The following NTM variants were observed in gnomAD, a reference collection of about 807,000 sequenced individuals.
The protein encoded by NTM is neurotrimin, also known as IgLON family member 2.
A neutral mutation model predicts 42.1 loss-of-function variants in NTM; 13 were observed. The ratio of observed to expected loss-of-function variants is 0.31; its 90% CI spans 0.20 to 0.49. The LOEUF (loss-of-function observed/expected upper bound fraction) is 0.49, where lower values mean the gene tolerates loss of function less well. Ranked by LOEUF, NTM falls within the 20% of genes least tolerant of loss-of-function variation. NTM has a pLI of 0.99. For missense variants in NTM, 373 were observed against 452.8 expected, an observed-to-expected ratio of 0.82 and a Z score of 1.60; for synonymous variants, 187 against 179.2, an observed-to-expected ratio of 1.04 and a Z score of -0.35.
At chr11:131,581,038 C>T (rs532982705) in intron 1 of NTM, among the ~76,000 whole-genome samples, 48 of 152,276 alleles carry the variant, frequency 3.2e-4, no homozygotes, top group African/African-American at 1.2e-3. Context: ...TGGGTTATTG[C>T]TAAAAGGGTG....
chr11:132,333,253 G>C (rs1326338510), intron 8 of NTM, among the ~76,000 whole-genome samples: 1 of 152,172 alleles, frequency 6.6e-6, no homozygotes, highest in Non-Finnish European at 1.5e-5. Flanking sequence ...TGTCGTCTCA[G>C]AGTCCTCAGC....
At chr11:131,616,590 G>A (rs1009955907) in intron 1 of NTM, among the ~76,000 whole-genome samples, 3 of 152,132 alleles carry the variant, frequency 2.0e-5, no homozygotes, top group Admixed American at 6.5e-5. Flanking sequence ...TGGAGGCTGC[G>A]GCGGCACCAG....
chr11:131,862,017 G>A (rs1051280006), intron 1 of NTM, among the ~76,000 whole-genome samples: 12 of 152,154 alleles, frequency 7.9e-5, no homozygotes, highest in Non-Finnish European at 5.9e-5. Context: ...CTCTTAGTGC[G>A]GTCTCAAGGA....
At chr11:131,789,536 GAAGAAGAAGAAAAGAAGAAGA>G (rs2090221056) in intron 1 of NTM, among the ~76,000 whole-genome samples, 1 of 23,456 alleles carries the variant, frequency 4.3e-5, no homozygotes, top group African/African-American at 2.5e-4. Flanking sequence ...AGAAGAAGAA[GAAGAAGAAGAAAAGAAGAAGA>G]AGAAGAAGAA....
intron 4 of NTM, among the ~76,000 whole-genome samples, chr11:132,215,790 A>C (rs942344619): frequency 6.6e-6 from 1 of 152,230 alleles, no homozygotes; most frequent in Admixed American, 6.5e-5. Flanking sequence ...ACTCTGCACA[A>C]CTGGTTTGAG....
chr11:131,511,026 G>A lies in NTM; in HGVS notation c.82+140138G>A, dbSNP rs183096455. Among the ~76,000 whole-genome samples the A allele has an allele frequency of 1.8e-3, 281 of 151,942 alleles. 1 individual carries two copies. The highest frequency in any genetic ancestry group is 6.3e-3 in the African/African-American group (261 of 41,496). ...TGCGGTTTGAGGAAGTCACCCTCTC[G>A]GGAACTCCAGTTCTTCAGGTTAAAA... On this transcript the variant is annotated intron_variant, in intron 1 of 8. Transcript: ENST00000683400.
chr11:131,906,817 T>A (rs946687899), intron 1 of NTM, among the ~76,000 whole-genome samples: 2 of 152,200 alleles, frequency 1.3e-5, no homozygotes, highest in African/African-American at 4.8e-5. Flanking sequence ...CTCTTTTCTC[T>A]CCCTGGAGCC....
At chr11:131,697,797 T>G (rs985350140) in intron 1 of NTM, among the ~76,000 whole-genome samples, 1 of 152,192 alleles carries the variant, frequency 6.6e-6, no homozygotes, top group East Asian at 1.9e-4. Context: ...CACAGGAGCC[T>G]AAGAAGGTGT....
chr11:132,200,661 C>T (rs1163651624), intron 3 of NTM, among the ~76,000 whole-genome samples: 3 of 152,158 alleles, frequency 2.0e-5, no homozygotes, highest in Non-Finnish European at 2.9e-5. Context: ...GTGAGCTTGG[C>T]GCTGTTGGCA....
intron 1 of NTM, among the ~76,000 whole-genome samples, chr11:131,765,170 A>G (rs1591683663): frequency 6.6e-6 from 1 of 152,154 alleles, no homozygotes; most frequent in African/African-American, 2.4e-5. Context: ...TGGTGCCCAT[A>G]CCAATCCATT....
At chr11:131,562,440 C>T (rs2056356371) in intron 1 of NTM, among the ~76,000 whole-genome samples, 1 of 152,066 alleles carries the variant, frequency 6.6e-6, no homozygotes, top group Non-Finnish European at 1.5e-5. Context: ...GTGGGGAATT[C>T]GCTGATGGTA....
In NTM at chr11:132,146,382, C is replaced by T. The variant is rs563856288; in HGVS notation, c.268C>T (p.Leu90Phe). Residue 90 changes from leucine (L) to phenylalanine (F), a missense_variant, in exon 3 of 9, where the codon CTT becomes TTT. This residue lies in a region of NTM where 312 missense variants were observed against 353.5 expected (regional missense o/e 0.88). Coordinates refer to ENST00000683400, the MANE Select transcript of NTM (RefSeq NM_001352005.2). The surrounding 1 kb of genome is among the most constrained non-coding windows in gnomAD (Gnocchi z 4.5). Reference protein sequence around the residue: ...DKWCLDPRVVLLSNTQTQYSI... With the variant: ...DKWCLDPRVVFLSNTQTQYSI... ...GTGGTGCCTGGATCCTCGCGTGGTC[C>T]TTCTGAGCAACACCCAAACGCAGTA... 1.2e-6 allele frequency: 2 copies of T among 1,614,202 alleles called. No homozygotes were observed. Among genetic ancestry groups the T allele is most frequent in the African/African-American group, 1.3e-5 (1 of 75,060 alleles).
intron 2 of NTM, among the ~76,000 whole-genome samples, chr11:131,968,042 G>A (rs2063061254): frequency 6.6e-6 from 1 of 152,058 alleles, no homozygotes; most frequent in Non-Finnish European, 1.5e-5. Flanking sequence ...AAATAAATGC[G>A]AAACCATGTG....
At position 131,873,545 on chromosome 11, in the gene NTM, TATACATATATATATACC is replaced by T. The variant is rs1300955329; in HGVS notation, c.83-38018_83-38002del. Among the ~76,000 whole-genome samples the T allele has an allele frequency of 3.8e-4, 20 of 51,958 alleles. 1 individual carries two copies. The highest frequency in any genetic ancestry group is 8.4e-4 in the African/African-American group (19 of 22,502). 34.1% of individuals were successfully genotyped at this position (51,958 alleles called of 152,430 possible). A position where few individuals can be genotyped will look rare whatever the true frequency, so the allele number is the denominator to read the frequency against. ...AAGTGTGTGTGTGTGTGTGTATATA[TATACATATATATATACC>T]GTATATATATACATATATATATACC... On this transcript the variant is annotated intron_variant, in intron 1 of 8. Coordinates refer to ENST00000683400, the MANE Select transcript of NTM (RefSeq NM_001352005.2).
intron 2 of NTM, among the ~76,000 whole-genome samples, chr11:132,035,846 C>T (rs1294411631): frequency 6.6e-6 from 1 of 152,214 alleles, no homozygotes; most frequent in South Asian, 2.1e-4. Context: ...ATCATTAAAT[C>T]CCAGATTTCA....
At chr11:132,107,516 T>A (rs1187051006) in intron 2 of NTM, among the ~76,000 whole-genome samples, 1 of 149,836 alleles carries the variant, frequency 6.7e-6, no homozygotes, top group African/African-American at 2.4e-5. Flanking sequence ...GCCTGGCTAA[T>A]CTTTTTTTTT....
intron 2 of NTM, among the ~76,000 whole-genome samples, chr11:132,092,575 C>T (rs1233820629): frequency 1.3e-5 from 2 of 152,298 alleles, no homozygotes; most frequent in Non-Finnish European, 2.9e-5. Flanking sequence ...TGGTGTCCCC[C>T]AGGCGTTGCT....
At chr11:131,990,257 T>G (rs2066788135) in intron 2 of NTM, among the ~76,000 whole-genome samples, 1 of 152,168 alleles carries the variant, frequency 6.6e-6, no homozygotes, top group Admixed American at 6.5e-5. Context: ...TCAATCGAAA[T>G]CCAGTACTCT....
At chr11:131,703,989 C>T (rs2076328909) in intron 1 of NTM, among the ~76,000 whole-genome samples, 1 of 152,228 alleles carries the variant, frequency 6.6e-6, no homozygotes, top group Non-Finnish European at 1.5e-5. Context: ...GGCTTTAGAC[C>T]CACTTCAGCA....
Sources: gnomAD v4.1 joint callset for allele counts (sites outside exome capture counted in the v4.1 genomes callset) on GRCh38, gnomAD v4.1.1 for gene constraint, gnomAD v4.1.1 regional missense constraint, Gnocchi (gnomAD v3.1) non-coding constraint, MANE v1.5 for transcripts, NCBI Gene and HGNC (gene_info 2026-07-23, HGNC 2026-07-21) for gene names.